Variants in ERBB3 observed in about 807,000 individuals in gnomAD.
ERBB3 encodes receptor tyrosine-protein kinase erbB-3.
ERBB3 carries 96 observed loss-of-function variants against 156.7 expected under a neutral mutation model. The observed-to-expected ratio is 0.61, with a 90% confidence interval of 0.52 to 0.73. The LOEUF (loss-of-function observed/expected upper bound fraction) is 0.73. Ranked by LOEUF, ERBB3 falls within the 30% of genes least tolerant of loss-of-function variation. The pLI is 0.00. For missense variants in ERBB3, 1,406 were observed against 1,709.4 expected, an observed-to-expected ratio of 0.82 and a Z score of 3.13; for synonymous variants, 567 against 632.0, an observed-to-expected ratio of 0.90 and a Z score of 1.54.
intron 23 of ERBB3, chr12:56,099,112 C>T: frequency 1.7e-6 from 1 of 594,002 alleles, no homozygotes; most frequent in Non-Finnish European, 3.0e-6. Context: ...GCGCCCGCCA[C>T]ACCTGGATAA....
Position 56,097,183 on chromosome 12 carries a change from G to C in ERBB3, c.2413G>C (p.Ala805Pro), listed in dbSNP as rs80185484. The C allele has an allele frequency of 6.2e-7, 1 of 1,614,120 alleles. No individual in the cohort carries two copies. The highest frequency in any genetic ancestry group is 8.5e-7 in the Non-Finnish European group (1 of 1,180,018). The change falls in exon 20 of 28, where the codon GCA becomes CCA. Residue 805 changes from alanine (A) to proline (P), a missense_variant. Coordinates refer to ENST00000267101, the MANE Select transcript of ERBB3 (RefSeq NM_001982.4). ...LLDHVRQHRGALGPQLLLNWG... is the reference protein window; with the variant it reads ...LLDHVRQHRGPLGPQLLLNWG... ...GGATCATGTGAGACAACACCGGGGG[G>C]CACTGGGGCCACAGCTGCTGCTCAA...
rs756590738 is a variant in ERBB3 at position 56,088,037 on chromosome 12, A to T, written c.749A>T (p.Asn250Ile). Residue 250 changes from asparagine (N) to isoleucine (I), a missense_variant, in exon 7 of 28, where the codon AAT becomes ATT. Around this residue, in one of 3 missense-constraint regions of ERBB3, gnomAD observed 979 missense variants for 1,219.6 expected, o/e 0.80. Coordinates refer to ENST00000267101, the MANE Select transcript of ERBB3 (RefSeq NM_001982.4). ...TTTTCCCAGGCCTGCCGGCACTTCA[A>T]TGACAGTGGAGCCTGTGTACCTCGC... ...DTDCFACRHFNDSGACVPRCP... is the reference protein window; with the variant it reads ...DTDCFACRHFIDSGACVPRCP... 1 of 1,614,172 alleles carries T rather than the reference A, an allele frequency of 6.2e-7. No homozygotes were observed. The highest frequency in any genetic ancestry group is 8.5e-7 in the Non-Finnish European group (1 of 1,180,032).
At chr12:56,099,281 C>T (rs192748125) in intron 23 of ERBB3, among the ~76,000 whole-genome samples, 1 of 151,304 alleles carries the variant, frequency 6.6e-6, no homozygotes, top group Non-Finnish European at 1.5e-5. Flanking sequence ...TCTGACTTCC[C>T]TCTGTACTCC....
chr12:56,094,053 T>C (rs753656627), intron 13 of ERBB3, 46 bp from the exon 14 acceptor site: 2 of 1,577,528 alleles, frequency 1.3e-6, no homozygotes. Context: ...AGCATGAAGG[T>C]CAGGACTTGG....
rs1403022338 is a variant in ERBB3, at chr12:56,080,376, CA to C, written c.77del (p.Gln26ArgfsTer8). ...LARGSEVGNS[Q>X]AVCPGTLNGL... ...CCGGGGCTCCGAGGTGGGCAACTCT[CA>C]GGCAGGTAAGTGGCGCGAGAGCACC... On this transcript the variant is annotated frameshift_variant, in exon 1 of 28. Transcript: ENST00000267101. LOFTEE classifies it high-confidence loss of function. The C allele has an allele frequency of 3.8e-6, 6 of 1,593,372 alleles. No individual in the cohort carries two copies. The highest frequency in any genetic ancestry group is 5.1e-6 in the Non-Finnish European group (6 of 1,169,294).
rs2136808146 is a variant in ERBB3, at chr12:56,092,813, G to T, written c.1176G>T (p.Glu392Asp). Residue 392 changes from glutamate to aspartate, a missense_variant, in exon 10 of 28, where the codon GAG becomes GAT. This residue lies in a region of ERBB3 where 979 missense variants were observed against 1,219.6 expected (regional missense o/e 0.80). Coordinates refer to ENST00000267101, the MANE Select transcript of ERBB3 (RefSeq NM_001982.4). ...TCAATGTCTTCCGGACAGTACGGGAGATCACAGGTGAGTGGCAGAGAGTTT... is the reference window on the plus strand; with the variant it reads ...TCAATGTCTTCCGGACAGTACGGGATATCACAGGTGAGTGGCAGAGAGTTT... ...EKLNVFRTVREITGYLNIQSW... is the reference protein window; with the variant it reads ...EKLNVFRTVRDITGYLNIQSW... 1 of 1,614,040 alleles carries T rather than the reference G, an allele frequency of 6.2e-7. No homozygotes were observed. Among genetic ancestry groups the T allele is most frequent in the Non-Finnish European group, 8.5e-7 (1 of 1,179,872 alleles).
At chr12:56,095,520 G>C in intron 16 of ERBB3, 145 bp from the exon 17 acceptor site, 1 of 1,044,862 alleles carries the variant, frequency 9.6e-7, no homozygotes, top group Admixed American at 1.9e-5. Context: ...CCAGATTTAG[G>C]TTGGTCCCTT....
In ERBB3 at chr12:56,088,786, G is replaced by T. The variant is rs1327190233; in HGVS notation, c.1027G>T (p.Val343Leu). The T allele has an allele frequency of 6.2e-7, 1 of 1,614,112 alleles. No individual in the cohort carries two copies. ...AGGCTCTGGGAGCCGCTTCCAGACT[G>T]TGGACTCGAGCAACATTGATGGATT... ...GTGSGSRFQT[V>L]DSSNIDGFVN... is the part of the protein sequence containing the mutation. The change falls in exon 9 of 28, where the codon GTG becomes TTG. Residue 343 changes from valine (V) to leucine (L), a missense_variant. Transcript: ENST00000267101.
chr12:56,102,022 G>A lies in ERBB3; in HGVS notation c.3996G>A (p.Arg1332=), dbSNP rs1292636996. Residue 1332 remains arginine, a synonymous_variant, in exon 28 of 28, where the codon AGG becomes AGA. Transcript: ENST00000267101. Reference sequence around the variant, plus strand: ...ATAACCCTGATTACTGGCATAGCAGGCTTTTCCCCAAGGCTAATGCCCAGA... The same window carrying A: ...ATAACCCTGATTACTGGCATAGCAGACTTTTCCCCAAGGCTAATGCCCAGA... ...AFDNPDYWHS[R]LFPKANAQRT 87 of 1,612,104 alleles carry A rather than the reference G, an allele frequency of 5.4e-5. No homozygotes were observed. The highest frequency in any genetic ancestry group is 7.2e-5 in the Non-Finnish European group (85 of 1,179,982).
rs373276051 is a variant in ERBB3, at chr12:56,100,202, G to C, written c.3158G>C (p.Gly1053Ala). Reference protein sequence around the residue: ...GSQSLLSPSSGYMPMNQGNLG... With the variant: ...GSQSLLSPSSAYMPMNQGNLG... ...CAGAGCCTTTTAAGTCCATCATCTG[G>C]ATACATGCCCATGAACCAGGGTAAT... The change falls in exon 26 of 28, where the codon GGA becomes GCA. Residue 1053 changes from glycine to alanine, a missense_variant. Gly to Ala is a moderately conservative substitution (Grantham distance 60). Around this residue, in one of 3 missense-constraint regions of ERBB3, gnomAD observed 415 missense variants for 454.1 expected, o/e 0.91. Coordinates refer to ENST00000267101, the MANE Select transcript of ERBB3 (RefSeq NM_001982.4). The C allele has an allele frequency of 3.7e-6, 6 of 1,614,042 alleles. No homozygotes were observed. The highest frequency in any genetic ancestry group is 4.2e-6 in the Non-Finnish European group (5 of 1,179,976).
chr12:56,101,062 A>C lies in ERBB3; in HGVS notation c.3203A>C (p.Glu1068Ala). 2.5e-6 allele frequency: 4 copies of C among 1,612,322 alleles called. No individual in the cohort carries two copies. Among genetic ancestry groups the C allele is most frequent in the Non-Finnish European group, 3.4e-6 (4 of 1,179,330 alleles). Residue 1068 changes from glutamate to alanine, a missense_variant and splice_region_variant, in exon 27 of 28, where the codon GAG becomes GCG. By Grantham distance (107) the Glu-to-Ala change is moderately radical (BLOSUM62 -1). Transcript: ENST00000267101. The part of the protein sequence containing the change: ...NQGNLGESCQ[E>A]SAVSGSSERC... ...TTTTCTGTTTATTTTCTTCCTTAGGAGTCTGCAGTTTCTGGGAGCAGTGAA... is the reference window on the plus strand; with the variant it reads ...TTTTCTGTTTATTTTCTTCCTTAGGCGTCTGCAGTTTCTGGGAGCAGTGAA...
Position 56,101,915 on chromosome 12 carries a change from G to A in ERBB3, c.3889G>A (p.Gly1297Arg). The change falls in exon 28 of 28, where the codon GGG becomes AGG. Residue 1297 changes from glycine (G) to arginine (R), a missense_variant. Around this residue, in one of 3 missense-constraint regions of ERBB3, gnomAD observed 415 missense variants for 454.1 expected, o/e 0.91. Coordinates refer to ENST00000267101, the MANE Select transcript of ERBB3 (RefSeq NM_001982.4). ...GTATGAAGAGATGAGAGCTTTTCAG[G>A]GGCCTGGACATCAGGCCCCCCATGT... ...QGYEEMRAFQGPGHQAPHVHY... is the reference protein window; with the variant it reads ...QGYEEMRAFQRPGHQAPHVHY... 1 of 1,613,026 alleles carries A rather than the reference G, an allele frequency of 6.2e-7. No individual in the cohort carries two copies. Among genetic ancestry groups the A allele is most frequent in the Non-Finnish European group, 8.5e-7 (1 of 1,179,712 alleles).
chr12:56,094,626 G>A, intron 15 of ERBB3, 70 bp downstream of exon 15: 1 of 1,544,824 alleles, frequency 6.5e-7, no homozygotes, highest in East Asian at 2.3e-5. Flanking sequence ...AGTGAGGGAA[G>A]CAGAAAGAAG....
chr12:56,092,463 C>T (rs1868747474), intron 9 of ERBB3, among the ~76,000 whole-genome samples: 1 of 132,638 alleles, frequency 7.5e-6, no homozygotes, highest in African/African-American at 2.8e-5. Context: ...TTATTTTATT[C>T]TAGTCAATGG....
chr12:56,093,648 A>G (rs79292194), intron 12 of ERBB3, 98 bp downstream of exon 12: 117 of 1,564,924 alleles, frequency 7.5e-5, no homozygotes, highest in Non-Finnish European at 1.0e-4. Flanking sequence ...GGGTTGAGGG[A>G]TGGAACCAAG....
At chr12:56,088,940 C>T in intron 9 of ERBB3, 72 bp downstream of exon 9, 1 of 1,593,254 alleles carries the variant, frequency 6.3e-7, no homozygotes, top group Non-Finnish European at 8.6e-7. Flanking sequence ...TTGGCCAAAA[C>T]TTTCCTATGT....
In ERBB3 at chr12:56,091,287, T is replaced by TATATATA. The variant is rs1555211806; in HGVS notation, c.1110-1459_1110-1453dup. ...AATTTTATATATATATATATATATA[T>TATATATA]ATATATATAAATAATATATATAAAT... On this transcript the variant is annotated intron_variant, in intron 9 of 27. Transcript: ENST00000267101. Among the ~76,000 whole-genome samples the TATATATA allele has an allele frequency of 3.3e-5, 2 of 61,444 alleles. 1 individual carries two copies. Among genetic ancestry groups the TATATATA allele is most frequent in the Non-Finnish European group, 7.1e-5 (2 of 28,038 alleles). The allele number at this position is 61,444 out of a possible 152,430, so 40.3% of individuals were successfully genotyped here. A position where few individuals can be genotyped will look rare whatever the true frequency, so the allele number is the denominator to read the frequency against.
rs375546286 is a variant in ERBB3 at position 56,087,680 on chromosome 12, G to A, written c.613+38G>A. 1.0e-5 allele frequency: 16 copies of A among 1,605,514 alleles called. No homozygotes were observed. The African/African-American group carries it at 1.5e-4, about 15-fold the overall frequency. On this transcript the variant is annotated intron_variant, in intron 5 of 27. Coordinates refer to ENST00000267101, the MANE Select transcript of ERBB3 (RefSeq NM_001982.4). ...TTCCCTCCAAAAACTTCACTCATAC[G>A]CTTTCATATCCCTTCCTCCCCAAGC...
intron 9 of ERBB3, 34 bp downstream of exon 9, chr12:56,088,902 G>C: frequency 2.5e-6 from 4 of 1,613,490 alleles, no homozygotes; most frequent in Non-Finnish European, 3.4e-6. Flanking sequence ...TTAGACCCCA[G>C]CCCACGCACC....
Sources: allele counts gnomAD v4.1 joint callset (sites outside exome capture counted in the v4.1 genomes callset), GRCh38; gene constraint gnomAD v4.1.1; regional missense constraint gnomAD v4.1.1; transcripts MANE v1.5; gene names NCBI Gene and HGNC (gene_info 2026-07-23, HGNC 2026-07-21).